Variants in USP19 observed in about 807,000 individuals in gnomAD.
USP19 encodes the protein ubiquitin carboxyl-terminal hydrolase 19.
A neutral mutation model predicts 144.8 loss-of-function variants in USP19; 40 were observed. That is an observed-to-expected ratio of 0.28 (90% confidence interval 0.21 to 0.36). The LOEUF (loss-of-function observed/expected upper bound fraction) is 0.36, where lower values mean the gene tolerates loss of function less well. Ranked by LOEUF, USP19 falls within the 10% of genes least tolerant of loss-of-function variation. USP19 has a pLI of 1.00. For synonymous variants in USP19, 701 were observed against 709.3 expected (o/e 0.99, Z 0.19); for missense variants, 1,518 against 1,822.5 (o/e 0.83, Z 3.04).
rs190395471 is a variant in USP19 at position 49,116,414 on chromosome 3, C to G, written c.1283+37G>C. The G allele has an allele frequency of 1.4e-4, 218 of 1,614,036 alleles. No homozygotes were observed. In the African/African-American group the frequency reaches 2.8e-3, roughly 20 times the overall value. ...GAAGAGCATGAGACATACTGTCCCA[C>G]CTGAGGCATTGTTTGCCCCATCATC... On this transcript the variant is annotated intron_variant, in intron 8 of 26. Coordinates refer to ENST00000417901, the MANE Select transcript of USP19 (RefSeq NM_001199161.2). This position sits in a 1 kb window ranked among gnomAD's most constrained non-coding sequence, Gnocchi z 5.0.
In USP19 at chr3:49,110,373, G is replaced by A. The variant is rs756908722; in HGVS notation, c.3860-11C>T. On this transcript the variant is annotated splice_polypyrimidine_tract_variant and intron_variant, in intron 25 of 26. Coordinates refer to ENST00000417901, the MANE Select transcript of USP19 (RefSeq NM_001199161.2). The surrounding 1 kb of genome is among the most constrained non-coding windows in gnomAD (Gnocchi z 6.1). ...CAAACAAGCGCCAGCCTACAGCAGG[G>A]TGGGAAGAGTGTGAACAAAGTCTGC... 4 of 1,597,188 alleles carry A rather than the reference G, an allele frequency of 2.5e-6. No homozygotes were observed. In the African/African-American group the frequency reaches 5.4e-5, roughly 21 times the overall value.
chr3:49,119,205 G>A lies in USP19; in HGVS notation c.-60C>T. 1.3e-6 allele frequency: 2 copies of A among 1,551,920 alleles called. No homozygotes were observed. Among genetic ancestry groups the A allele is most frequent in the Non-Finnish European group, 1.7e-6 (2 of 1,154,230 alleles). On this transcript the variant is annotated 5_prime_UTR_variant, in exon 2 of 27. Transcript: ENST00000417901. ...GGGTCGGCAACAGCGTCTGGGTCAGGGCTGCGGCGCTTTCTTCCTGGCCCA... is the reference window on the plus strand; with the variant it reads ...GGGTCGGCAACAGCGTCTGGGTCAGAGCTGCGGCGCTTTCTTCCTGGCCCA...
Position 49,119,118 on chromosome 3 carries a change from G to A in USP19, c.28C>T (p.Pro10Ser), listed in dbSNP as rs1415761794. The A allele has an allele frequency of 6.2e-7, 1 of 1,613,396 alleles. No homozygotes were observed. The highest frequency in any genetic ancestry group is 2.2e-5 in the East Asian group (1 of 44,842). The change falls in exon 2 of 27, where the codon CCA becomes TCA. Residue 10 changes from proline (P) to serine (S), a missense_variant. Physicochemically the swap from Pro to Ser is moderately conservative, Grantham distance 74. Transcript: ENST00000417901. ...TCCAGTCCTGGGGGCCCTCTCCTTG[G>A]GCCTGTGGCACTGGCCCCGCCAGAC... MSGGASATG[P>S]RRGPPGLEDT...
rs2043789744 is a variant in USP19 at position 49,114,701 on chromosome 3, C to G, written c.2292+62G>C. 6.4e-7 allele frequency: 1 copy of G among 1,566,256 alleles called. No homozygotes were observed. On this transcript the variant is annotated intron_variant, in intron 15 of 26. Coordinates refer to ENST00000417901, the MANE Select transcript of USP19 (RefSeq NM_001199161.2). This position sits in a 1 kb window ranked among gnomAD's most constrained non-coding sequence, Gnocchi z 4.5. ...CCTTAAGATGCACATGCCTCTGAAC[C>G]TAATGTGACCAGAATAGCTGAGCTG...
At chr3:49,109,080 G>A (rs771204058) in intron 26 of USP19, 52 of 1,602,516 alleles carry the variant, frequency 3.2e-5, no homozygotes, top group Non-Finnish European at 1.6e-5. Flanking sequence ...GTAGGGCCAC[G>A]TGGTAGGGGG....
chr3:49,115,880 T>C lies in USP19; in HGVS notation c.1536A>G (p.Pro512=). 3 of 1,595,544 alleles carry C rather than the reference T, an allele frequency of 1.9e-6. No homozygotes were observed. Among genetic ancestry groups the C allele is most frequent in the Non-Finnish European group, 2.6e-6 (3 of 1,171,676 alleles). Residue 512 remains proline, a synonymous_variant, in exon 11 of 27, where the codon CCA becomes CCG. Coordinates refer to ENST00000417901, the MANE Select transcript of USP19 (RefSeq NM_001199161.2). The surrounding 1 kb of genome is among the most constrained non-coding windows in gnomAD (Gnocchi z 6.6). ...TGPTPLDSTP[P]GGAPHPLTGQ... ...CTGTCAGGGGGTGGGGAGCACCTCC[T>C]GGTGGGGTTGAATCCAGAGGGGTTG...
At position 49,116,683 on chromosome 3, in the gene USP19, T is replaced by G. The variant is rs369523399; in HGVS notation, c.1126+44A>C. ...GCTACTCTCTATCCACCTACAAACT[T>G]TGCAACCCAACCTAGGGCTCTGCCT... is the stretch of plus-strand genomic sequence containing the variant. On this transcript the variant is annotated intron_variant, in intron 7 of 26. Transcript: ENST00000417901. This position sits in a 1 kb window ranked among gnomAD's most constrained non-coding sequence, Gnocchi z 5.0. 126 of 1,607,628 alleles carry G rather than the reference T, an allele frequency of 7.8e-5. No homozygotes were observed. The highest frequency in any genetic ancestry group is 1.0e-4 in the Non-Finnish European group (122 of 1,176,018).
In USP19 at chr3:49,114,826, A is replaced by G. The variant is rs754062389; in HGVS notation, c.2229T>C (p.Ser743=). ...AWQRHKMRND[S]FIVDLFQGQY... The stretch of plus-strand genomic sequence containing the variant: ...GCCCCTGAAATAGGTCCACGATGAA[A>G]GAGTCATTCCTCATCTTGTGCCGCT... The change falls in exon 15 of 27, where the codon TCT becomes TCC. Residue 743 remains serine (S), a synonymous_variant. Coordinates refer to ENST00000417901, the MANE Select transcript of USP19 (RefSeq NM_001199161.2). The surrounding 1 kb of genome is among the most constrained non-coding windows in gnomAD (Gnocchi z 4.5). The G allele has an allele frequency of 6.2e-7, 1 of 1,614,174 alleles. No individual in the cohort carries two copies. Among genetic ancestry groups the G allele is most frequent in the Non-Finnish European group, 8.5e-7 (1 of 1,180,038 alleles).
Position 49,115,478 on chromosome 3 carries a change from C to T in USP19, c.1854G>A (p.Leu618=). 1 of 1,614,224 alleles carries T rather than the reference C, an allele frequency of 6.2e-7. No individual in the cohort carries two copies. The highest frequency in any genetic ancestry group is 8.5e-7 in the Non-Finnish European group (1 of 1,180,038). The change falls in exon 12 of 27, where the codon CTG becomes CTA. Residue 618 remains leucine (L), a synonymous_variant. Transcript: ENST00000417901. This position sits in a 1 kb window ranked among gnomAD's most constrained non-coding sequence, Gnocchi z 6.6. Reference sequence around the variant, plus strand: ...AGTCCCGGAGTTCCCGAGTGTTGGACAGAGACTGAATGACGCTGTTCATGA... The same window carrying T: ...AGTCCCGGAGTTCCCGAGTGTTGGATAGAGACTGAATGACGCTGTTCATGA... ...TCFMNSVIQS[L]SNTRELRDFF...
rs2042673642 is a variant in USP19, at chr3:49,108,611, C to G, written c.4039-83G>C. 7.9e-7 allele frequency: 1 copy of G among 1,260,146 alleles called. No individual in the cohort carries two copies. Among genetic ancestry groups the G allele is most frequent in the Non-Finnish European group, 1.0e-6 (1 of 996,062 alleles). 78.1% of individuals were successfully genotyped at this position (1,260,146 alleles called of 1,614,324 possible). On this transcript the variant is annotated intron_variant, in intron 26 of 26. Transcript: ENST00000417901. This position sits in a 1 kb window ranked among gnomAD's most constrained non-coding sequence, Gnocchi z 4.8. The stretch of plus-strand genomic sequence containing the variant: ...CGGGGGTGCTGGCTTGGAGCCCTGG[C>G]ACCCAAGGGAGGGTCCCAAGGCAGG...
chr3:49,113,992 C>T lies in USP19; in HGVS notation c.2505G>A (p.Glu835=), dbSNP rs1308805856. Reference sequence around the variant, plus strand: ...ATAGCCCAAGGAAGGACAAAGATACCTCCGCCAAACGCAGGTTCTCAGGCT... The same window carrying T: ...ATAGCCCAAGGAAGGACAAAGATACTTCCGCCAAACGCAGGTTCTCAGGCT... ...HVKPENLRLA[E]VIKNRFHRVF... Residue 835 remains glutamate, a splice_region_variant and synonymous_variant, in exon 17 of 27, where the codon GAG becomes GAA. Transcript: ENST00000417901. 2 of 1,613,928 alleles carry T rather than the reference C, an allele frequency of 1.2e-6. No homozygotes were observed. Among genetic ancestry groups the T allele is most frequent in the Non-Finnish European group, 1.7e-6 (2 of 1,180,032 alleles).
Position 49,117,629 on chromosome 3 carries a change from C to A in USP19, c.472+28G>T. On this transcript the variant is annotated intron_variant, in intron 4 of 26. Transcript: ENST00000417901. The surrounding 1 kb of genome is among the most constrained non-coding windows in gnomAD (Gnocchi z 4.4). The stretch of plus-strand genomic sequence containing the variant: ...GGAGATATCAGAAGATTCAAACATA[C>A]TACTGTGCTCAGGGCAGATGGACAC... 1 of 1,614,128 alleles carries A rather than the reference C, an allele frequency of 6.2e-7. No homozygotes were observed. The highest frequency in any genetic ancestry group is 8.5e-7 in the Non-Finnish European group (1 of 1,179,998).
Position 49,114,329 on chromosome 3 carries a change from A to T in USP19, c.2293-45T>A. The T allele has an allele frequency of 6.3e-7, 1 of 1,578,952 alleles. No homozygotes were observed. On this transcript the variant is annotated intron_variant, in intron 15 of 26. Coordinates refer to ENST00000417901, the MANE Select transcript of USP19 (RefSeq NM_001199161.2). The surrounding 1 kb of genome is among the most constrained non-coding windows in gnomAD (Gnocchi z 4.5). Reference sequence around the variant, plus strand: ...ACTGGGTAGCTGCACACAGAGTGGGAGATAAGATGCTCATGCTCAGAGAGC... The same window carrying T: ...ACTGGGTAGCTGCACACAGAGTGGGTGATAAGATGCTCATGCTCAGAGAGC...
Position 49,110,650 on chromosome 3 carries a change from G to C in USP19, c.3699-46C>G. 1 of 1,611,216 alleles carries C rather than the reference G, an allele frequency of 6.2e-7. No homozygotes were observed. Among genetic ancestry groups the C allele is most frequent in the African/African-American group, 1.3e-5 (1 of 75,000 alleles). On this transcript the variant is annotated intron_variant, in intron 24 of 26. Coordinates refer to ENST00000417901, the MANE Select transcript of USP19 (RefSeq NM_001199161.2). The surrounding 1 kb of genome is among the most constrained non-coding windows in gnomAD (Gnocchi z 6.1). ...GGGAGGGGTGAGACAGGCAACAGGC[G>C]CTCAGGATGCCCATCCTGGTCCTCA...
chr3:49,112,445 C>G lies in USP19; in HGVS notation c.2647-43G>C. ...GCTCAGCAAGACCAGGAAGAAGTGC[C>G]CCACCCACCAGGGCGCTGTGCCATC... On this transcript the variant is annotated intron_variant, in intron 18 of 26. Transcript: ENST00000417901. This position sits in a 1 kb window ranked among gnomAD's most constrained non-coding sequence, Gnocchi z 4.9. 6.2e-7 allele frequency: 1 copy of G among 1,613,882 alleles called. No individual in the cohort carries two copies. The highest frequency in any genetic ancestry group is 8.5e-7 in the Non-Finnish European group (1 of 1,179,890).
chr3:49,110,337 T>C lies in USP19; in HGVS notation c.3885A>G (p.Thr1295=). 6.3e-7 allele frequency: 1 copy of C among 1,598,738 alleles called. No homozygotes were observed. Among genetic ancestry groups the C allele is most frequent in the Non-Finnish European group, 8.5e-7 (1 of 1,170,618 alleles). ...CCTGGCTCTCGTCTACCGTTGTCACTGTGCTGTCATCAAACAAGCGCCAGC... is the reference window on the plus strand; with the variant it reads ...CCTGGCTCTCGTCTACCGTTGTCACCGTGCTGTCATCAAACAAGCGCCAGC... ...DVGWRLFDDS[T]VTTVDESQVV... Residue 1295 remains threonine, a synonymous_variant, in exon 26 of 27, where the codon ACA becomes ACG. Coordinates refer to ENST00000417901, the MANE Select transcript of USP19 (RefSeq NM_001199161.2). The surrounding 1 kb of genome is among the most constrained non-coding windows in gnomAD (Gnocchi z 6.1).
At position 49,110,037 on chromosome 3, in the gene USP19, G is replaced by A; in HGVS notation, c.4038+147C>T. The stretch of plus-strand genomic sequence containing the variant: ...AGGCATGGGGATGCCTCTGGCTAAA[G>A]CTTTGATGTTAAGAGAACTCTGCAA... On this transcript the variant is annotated intron_variant, in intron 26 of 26. Coordinates refer to ENST00000417901, the MANE Select transcript of USP19 (RefSeq NM_001199161.2). The surrounding 1 kb of genome is among the most constrained non-coding windows in gnomAD (Gnocchi z 6.1). 1.0e-6 allele frequency: 1 copy of A among 969,384 alleles called. No homozygotes were observed. Among genetic ancestry groups the A allele is most frequent in the Non-Finnish European group, 1.4e-6 (1 of 706,706 alleles). 60.0% of individuals were successfully genotyped at this position (969,384 alleles called of 1,614,324 possible).
Position 49,116,307 on chromosome 3 carries a change from G to A in USP19, c.1328C>T (p.Thr443Ile), listed in dbSNP as rs773624811. Reference protein sequence around the residue: ...LRLHPGCGPHTTFRWQVKLRN... With the variant: ...LRLHPGCGPHITFRWQVKLRN... ...GAGCTTCACCTGCCAACGGAAGGTG[G>A]TGTGGGGCCCACAGCCCGGGTGCAG... Residue 443 changes from threonine (T) to isoleucine (I), a missense_variant, in exon 9 of 27, where the codon ACC becomes ATC. By Grantham distance (89) the Thr-to-Ile change is moderately conservative. Transcript: ENST00000417901. The surrounding 1 kb of genome is among the most constrained non-coding windows in gnomAD (Gnocchi z 5.0). 2.5e-6 allele frequency: 4 copies of A among 1,613,368 alleles called. No individual in the cohort carries two copies. In the Admixed American group the frequency reaches 6.7e-5, roughly 27 times the overall value.
In USP19 at chr3:49,119,027, C is replaced by G. The variant is rs2044680904; in HGVS notation, c.119G>C (p.Arg40Thr). The change falls in exon 2 of 27, where the codon AGG becomes ACG. Residue 40 changes from arginine to threonine, a missense_variant. Arg to Thr is a moderately conservative substitution (Grantham distance 71). Around this residue, in one of 5 missense-constraint regions of USP19, gnomAD observed 707 missense variants for 728.9 expected, o/e 0.97. Coordinates refer to ENST00000417901, the MANE Select transcript of USP19 (RefSeq NM_001199161.2). The stretch of plus-strand genomic sequence containing the variant: ...TCTGGGAATGCCACTCCCACCTTTC[C>G]TAGGATCTCCATCCTTGCTCTCCTG... ...ANQESKDGDP[R>T]KETGSRYVAQ... is the part of the protein sequence containing the mutation. 1.2e-6 allele frequency: 2 copies of G among 1,613,982 alleles called. No homozygotes were observed. The highest frequency in any genetic ancestry group is 2.7e-5 in the African/African-American group (2 of 75,040).
Sources: gnomAD v4.1 joint callset for allele counts on GRCh38, gnomAD v4.1.1 for gene constraint, gnomAD v4.1.1 regional missense constraint, Gnocchi (gnomAD v3.1) non-coding constraint, MANE v1.5 for transcripts, NCBI Gene and HGNC (gene_info 2026-07-23, HGNC 2026-07-21) for gene names.